KIF25: variants seen among roughly 807,000 people sequenced by gnomAD.
The protein encoded by KIF25 is kinesin-like protein KIF25.
Under a neutral mutation model 32.9 loss-of-function variants are expected in KIF25, and 19 were observed. That is an observed-to-expected ratio of 0.58 (90% CI 0.40 to 0.85). KIF25 has a LOEUF of 0.85. Ranked by LOEUF, KIF25 falls within the 40% of genes least tolerant of loss-of-function variation. The pLI, the probability that KIF25 is intolerant of heterozygous loss-of-function variation, is 0.00. For missense variants in KIF25, 485 were observed against 507.0 expected (o/e 0.96, Z 0.42); for synonymous variants, 225 against 213.7 (o/e 1.05, Z -0.46).
chr6:168,001,831 T>G (rs1270159473), intron 2 of KIF25, among the ~76,000 whole-genome samples: 7 of 64,552 alleles, frequency 1.1e-4, no homozygotes, highest in African/African-American at 4.5e-4. Flanking sequence ...CTCGGGCAGG[T>G]GAGAAGACAC....
intron 5 of KIF25, among the ~76,000 whole-genome samples, chr6:168,020,831 G>T (rs894545594): frequency 6.6e-6 from 1 of 152,156 alleles, no homozygotes; most frequent in South Asian, 2.1e-4. Context: ...AAAGGAAAGG[G>T]ATGGAAAAGA....
chr6:168,030,669 G>A, intron 6 of KIF25, 104 bp from the exon 7 acceptor site: 4 of 735,196 alleles, frequency 5.4e-6, no homozygotes, highest in Non-Finnish European at 9.3e-6. Context: ...GCGTTGGGGG[G>A]ATGGGAAGTA....
chr6:168,000,359 C>A (rs13206699), intron 2 of KIF25, among the ~76,000 whole-genome samples: 1 of 133,032 alleles, frequency 7.5e-6, no homozygotes, highest in Non-Finnish European at 1.6e-5. Flanking sequence ...CCTCCCCACT[C>A]CCATCCCGAC....
chr6:168,042,694 C>T lies in KIF25; in HGVS notation c.963C>T (p.Thr321=). Residue 321 remains threonine, a synonymous_variant, in exon 12 of 13, where the codon ACC becomes ACT. Coordinates refer to ENST00000643607, the MANE Select transcript of KIF25 (RefSeq NM_030615.4). ...CCCCGTACCGGAACAGCAGGCTCAC[C>T]CACCTCCTTCAGGACTGCCTCGGTA... The part of the protein sequence containing the change: ...GHAPYRNSRL[T]HLLQDCLGGD... 1 of 1,612,644 alleles carries T rather than the reference C, an allele frequency of 6.2e-7. No homozygotes were observed. Among genetic ancestry groups the T allele is most frequent in the Non-Finnish European group, 8.5e-7 (1 of 1,179,894 alleles).
intron 4 of KIF25, among the ~76,000 whole-genome samples, chr6:168,006,404 C>T (rs376833274): frequency 4.9e-4 from 75 of 152,244 alleles, no homozygotes; most frequent in African/African-American, 1.4e-3. Context: ...AGCAATACAA[C>T]GATCTGTTGT....
At chr6:168,018,889 C>T (rs1254967092) in intron 5 of KIF25, among the ~76,000 whole-genome samples, 4 of 152,214 alleles carry the variant, frequency 2.6e-5, no homozygotes, top group Admixed American at 6.5e-5. Flanking sequence ...CTCAAGCCTC[C>T]GCTGAGCACT....
intron 8 of KIF25, among the ~76,000 whole-genome samples, chr6:168,035,561 A>G (rs1799011456): frequency 8.1e-6 from 1 of 123,662 alleles, no homozygotes; most frequent in Non-Finnish European, 1.7e-5. Flanking sequence ...TTAGCTGCCT[A>G]AAAGTGTTAG....
In KIF25 at chr6:167,999,201, G is replaced by A. The variant is rs1423697127; in HGVS notation, c.-489G>A. On this transcript the variant is annotated 5_prime_UTR_variant, in exon 2 of 13. Transcript: ENST00000643607. Reference sequence around the variant, plus strand: ...GCTCCGCAGTGCAGGCTCGCGCCCGGGTTGACACGCAGACCTCTTGATCAT... The same window carrying A: ...GCTCCGCAGTGCAGGCTCGCGCCCGAGTTGACACGCAGACCTCTTGATCAT... The A allele has an allele frequency of 1.3e-5, 2 of 152,382 alleles. No individual in the cohort carries two copies. Among genetic ancestry groups the A allele is most frequent in the East Asian group, 3.9e-4 (2 of 5,186 alleles). The allele number at this position is 152,382 out of a possible 1,614,324, so 9.4% of individuals were successfully genotyped here. A position where few individuals can be genotyped will look rare whatever the true frequency, so the allele number is the denominator to read the frequency against.
intron 2 of KIF25, among the ~76,000 whole-genome samples, chr6:168,002,234 T>G (rs1583122760): frequency 1.2e-4 from 10 of 80,316 alleles, no homozygotes; most frequent in South Asian, 3.5e-4. Context: ...CTCGGGCAGG[T>G]GAGAAAGACA....
intron 4 of KIF25, among the ~76,000 whole-genome samples, chr6:168,008,938 C>T (rs1798612695): frequency 6.6e-6 from 1 of 152,086 alleles, no homozygotes; most frequent in African/African-American, 2.4e-5. Context: ...TATCCTGCAA[C>T]TTTACCGAAG....
intron 10 of KIF25, 34 bp from the exon 11 acceptor site, chr6:168,041,935 G>A: frequency 6.5e-7 from 1 of 1,547,416 alleles, no homozygotes; most frequent in Non-Finnish European, 8.7e-7. Flanking sequence ...TCATGCAACT[G>A]TTTTCCTCCT....
intron 5 of KIF25, among the ~76,000 whole-genome samples, chr6:168,025,043 T>A (rs1286800842): frequency 6.6e-6 from 1 of 152,092 alleles, no homozygotes; most frequent in African/African-American, 2.4e-5. Context: ...AGAGTGAGAT[T>A]CTGTCTTCAA....
chr6:168,008,859 T>C (rs1798611897), intron 4 of KIF25, among the ~76,000 whole-genome samples: 1 of 152,152 alleles, frequency 6.6e-6, no homozygotes, highest in Non-Finnish European at 1.5e-5. Flanking sequence ...GAGTGCCTTT[T>C]AAATTTATTT....
intron 5 of KIF25, among the ~76,000 whole-genome samples, chr6:168,027,339 G>A (rs1798875192): frequency 6.6e-6 from 1 of 151,618 alleles, no homozygotes; most frequent in Admixed American, 6.6e-5. Flanking sequence ...TGTAGTCCCA[G>A]CTACTTGAGA....
intron 8 of KIF25, among the ~76,000 whole-genome samples, chr6:168,034,413 C>T (rs779626305): frequency 7.2e-5 from 11 of 152,158 alleles, no homozygotes; most frequent in Non-Finnish European, 1.3e-4. Flanking sequence ...AGTGTGCCAC[C>T]ACACCCAGCT....
At chr6:168,041,715 A>T (rs1489094477) in intron 10 of KIF25, among the ~76,000 whole-genome samples, 1 of 152,202 alleles carries the variant, frequency 6.6e-6, no homozygotes, top group East Asian at 1.9e-4. Context: ...CCTAAGAAGC[A>T]TTATTTGATT....
intron 8 of KIF25, chr6:168,036,033 T>C: frequency 7.6e-6 from 2 of 264,900 alleles, no homozygotes; most frequent in South Asian, 3.9e-5. Flanking sequence ...AGTGCTGATA[T>C]CAGAGATAGT....
At chr6:168,016,432 A>C (rs1583130795) in intron 4 of KIF25, among the ~76,000 whole-genome samples, 1 of 152,180 alleles carries the variant, frequency 6.6e-6, no homozygotes, top group Non-Finnish European at 1.5e-5. Context: ...GAGACCACGG[A>C]CCGCCCCAGC....
At chr6:168,019,832 C>G (rs1350930701) in intron 5 of KIF25, among the ~76,000 whole-genome samples, 8 of 152,146 alleles carry the variant, frequency 5.3e-5, no homozygotes, top group Non-Finnish European at 1.2e-4. Flanking sequence ...GCTCAGAGAA[C>G]ATTTGAAGAA....
Sources: allele counts gnomAD v4.1 joint callset (sites outside exome capture counted in the v4.1 genomes callset), GRCh38; gene constraint gnomAD v4.1.1; transcripts MANE v1.5; gene names NCBI Gene and HGNC (gene_info 2026-07-23, HGNC 2026-07-21).